The following GSE1 variants were observed in gnomAD, a reference collection of about 807,000 sequenced individuals.
GSE1 encodes the protein genetic suppressor element 1.
Under a neutral mutation model 112.6 loss-of-function variants are expected in GSE1, and 32 were observed. The observed-to-expected ratio is 0.28, with a 90% CI of 0.21 to 0.38. The LOEUF (loss-of-function observed/expected upper bound fraction) is 0.38, where lower values mean the gene tolerates loss of function less well. Among genes scored for constraint, GSE1 ranks in the 10% least tolerant of loss-of-function variants. GSE1 has a pLI of 1.00. For missense variants in GSE1, 2,348 were observed against 1,699.2 expected, an observed-to-expected ratio of 1.38 and a Z score of -6.71; for synonymous variants, 1,115 against 735.6, an observed-to-expected ratio of 1.52 and a Z score of -8.35.
At chr16:85,247,138 C>A (rs912761167) in intron 1 of GSE1, among the ~76,000 whole-genome samples, 2 of 152,146 alleles carry the variant, frequency 1.3e-5, no homozygotes, top group African/African-American at 4.8e-5. Context: ...TCTTCTGTTT[C>A]CACCCAGGCT....
rs1204693695 is a variant in GSE1 at position 85,223,895 on chromosome 16, T to C, written c.2283+52088T>C. 2.0e-5 allele frequency among the ~76,000 whole-genome samples: 3 copies of C among 152,104 alleles called. No homozygotes were observed. In the East Asian group the frequency reaches 5.8e-4, roughly 29 times the overall value. On this transcript the variant is annotated intron_variant, in intron 1 of 2. Transcript: ENST00000637419. ...GCTGGGATTACCGGCGTGAGCGACC[T>C]CATTTGGCCCACCACTGTAACCATT...
At chr16:85,276,880 G>C (rs7193568) in intron 1 of GSE1, among the ~76,000 whole-genome samples, 131,697 of 152,178 alleles carry the variant, frequency 0.87, 58,271 homozygotes, top group Middle Eastern at 0.98. Flanking sequence ...CCTGTGCACG[G>C]TCAAGTTAGA....
chr16:85,308,607 C>A (rs957218408), intron 1 of GSE1, among the ~76,000 whole-genome samples: 1 of 152,100 alleles, frequency 6.6e-6, no homozygotes, highest in Non-Finnish European at 1.5e-5. Flanking sequence ...AAACTGACCC[C>A]AGAAAGATTT....
intron 1 of GSE1, among the ~76,000 whole-genome samples, chr16:85,342,211 A>T (rs2046638521): frequency 6.6e-6 from 1 of 152,182 alleles, no homozygotes; most frequent in Admixed American, 6.5e-5. Context: ...CCCTGGCGTT[A>T]ACTCACACTG....
intron 2 of GSE1, among the ~76,000 whole-genome samples, chr16:85,545,102 T>C (rs1218886288): frequency 3.3e-5 from 5 of 152,224 alleles, no homozygotes; most frequent in African/African-American, 9.6e-5. Flanking sequence ...AGATTACCAA[T>C]GGACTCCCTC....
chr16:85,284,141 C>T (rs2044941804), intron 1 of GSE1, among the ~76,000 whole-genome samples: 1 of 152,208 alleles, frequency 6.6e-6, no homozygotes, highest in African/African-American at 2.4e-5. Context: ...TTCAAGATGC[C>T]CCCGGCCCAG....
At chr16:85,214,976 G>A (rs1205572934) in intron 1 of GSE1, among the ~76,000 whole-genome samples, 1 of 152,220 alleles carries the variant, frequency 6.6e-6, no homozygotes, top group Non-Finnish European at 1.5e-5. Context: ...GCGGGTGGCG[G>A]GTGGGTGGAG....
At chr16:85,492,413 C>A (rs1198454034) in intron 2 of GSE1, among the ~76,000 whole-genome samples, 4 of 152,194 alleles carry the variant, frequency 2.6e-5, no homozygotes, top group Non-Finnish European at 4.4e-5. Context: ...CTTAGGAATT[C>A]TTTCCCTGGA....
exon 1 of GSE1, chr16:85,170,588 C>A: frequency 1.0e-6 from 1 of 985,528 alleles, no homozygotes; most frequent in Non-Finnish European, 1.2e-6. Context: ...GTCCCCCGGG[C>A]TCTCCAGGAC....
At chr16:85,229,644 A>G (rs1597852425) in intron 1 of GSE1, among the ~76,000 whole-genome samples, 1 of 152,382 alleles carries the variant, frequency 6.6e-6, no homozygotes, top group South Asian at 2.1e-4. Flanking sequence ...ATTTGAACCC[A>G]GGCAGGTTGG....
intron 2 of GSE1, among the ~76,000 whole-genome samples, chr16:85,418,738 G>C (rs1195850480): frequency 6.6e-6 from 1 of 152,192 alleles, no homozygotes; most frequent in African/African-American, 2.4e-5. Context: ...GAAAAAGGGG[G>C]ACAAGCCGGC....
chr16:85,170,452 G>T, exon 1 of GSE1: 1 of 985,594 alleles, frequency 1.0e-6, no homozygotes, highest in Non-Finnish European at 1.2e-6. Context: ...CAGGCCGCTG[G>T]GGGAGACCCT....
chr16:85,367,519 G>A (rs1233210531), intron 2 of GSE1, among the ~76,000 whole-genome samples: 4 of 152,222 alleles, frequency 2.6e-5, no homozygotes, highest in Middle Eastern at 3.2e-3. Context: ...AGAGGGCCAC[G>A]AAGAAACAGG....
intron 2 of GSE1, among the ~76,000 whole-genome samples, chr16:85,528,709 C>T (rs978897528): frequency 3.3e-5 from 5 of 151,892 alleles, no homozygotes; most frequent in Non-Finnish European, 7.4e-5. Flanking sequence ...GAAGGGCCTT[C>T]TGATACCCTT....
intron 1 of GSE1, among the ~76,000 whole-genome samples, chr16:85,204,813 C>G (rs12599949): frequency 6.6e-6 from 1 of 152,206 alleles, no homozygotes; most frequent in Non-Finnish European, 1.5e-5. Flanking sequence ...GCCTGCCCCC[C>G]AGTCCCCCAC....
intron 15 of GSE1, chr16:85,672,106 C>G (rs949166953): frequency 3.0e-6 from 1 of 330,186 alleles, no homozygotes; most frequent in Non-Finnish European, 6.0e-6. Flanking sequence ...TCAAGCGATT[C>G]TCCTGCCTCA....
intron 2 of GSE1, among the ~76,000 whole-genome samples, chr16:85,436,029 C>T (rs183439660): frequency 2.0e-5 from 3 of 152,300 alleles, no homozygotes; most frequent in African/African-American, 7.2e-5. Flanking sequence ...AGGGCCAGAA[C>T]CCTGCTGGGC....
intron 1 of GSE1, among the ~76,000 whole-genome samples, chr16:85,578,646 G>A (rs1368273079): frequency 6.6e-6 from 1 of 152,212 alleles, no homozygotes; most frequent in Non-Finnish European, 1.5e-5. Context: ...CAGAACAGCA[G>A]GCCAAGTGTC....
intron 3 of GSE1, among the ~76,000 whole-genome samples, chr16:85,652,073 A>C (rs1427185592): frequency 6.6e-6 from 1 of 152,220 alleles, no homozygotes; most frequent in Admixed American, 6.5e-5. Flanking sequence ...CCAGCCTGGC[A>C]ACACACCTGC....
Sources: gnomAD v4.1 joint callset for allele counts (sites outside exome capture counted in the v4.1 genomes callset) on GRCh38, gnomAD v4.1.1 for gene constraint, MANE v1.5 for transcripts, NCBI Gene and HGNC (gene_info 2026-07-23, HGNC 2026-07-21) for gene names.